The following MTDH variants were observed in gnomAD, a reference collection of about 807,000 sequenced individuals.
MTDH encodes protein LYRIC.
In MTDH, 34 loss-of-function variants were observed where a neutral mutation model predicts 72.7. The ratio of observed to expected loss-of-function variants is 0.47; its 90% CI spans 0.36 to 0.62. MTDH has a LOEUF of 0.62. Among genes scored for constraint, MTDH ranks in the 20% least tolerant of loss-of-function variants. MTDH has a pLI of 0.00. For missense variants in MTDH, 677 were observed against 699.4 expected, an observed-to-expected ratio of 0.97 and a Z score of 0.36; for synonymous variants, 266 against 268.9, an observed-to-expected ratio of 0.99 and a Z score of 0.10.
chr8:97,723,180 C>T (rs1424204761), intron 11 of MTDH, 145 bp downstream of exon 11: 12 of 687,186 alleles, frequency 1.7e-5, no homozygotes, highest in Admixed American at 3.2e-5. Flanking sequence ...GGGCAGATCA[C>T]GAGGTCAGGA....
Position 97,727,940 on chromosome 8 carries a change from A to G in MTDH, c.*3270A>G, listed in dbSNP as rs1333620470. ...CATGTTTACTTTATGCATGCATTTT[A>G]TTGGGGAGGGGAGGTCAGAATAATT... On this transcript the variant is annotated 3_prime_UTR_variant, in exon 12 of 12. Transcript: ENST00000336273. The G allele has an allele frequency of 1.3e-5, 2 of 152,160 alleles. No individual in the cohort carries two copies. The highest frequency in any genetic ancestry group is 4.8e-5 in the African/African-American group (2 of 41,452). 9.4% of individuals were successfully genotyped at this position (152,160 alleles called of 1,614,324 possible).
chr8:97,689,165 C>A, intron 5 of MTDH, 62 bp downstream of exon 5: 1 of 833,832 alleles, frequency 1.2e-6, no homozygotes. Flanking sequence ...TATATACATA[C>A]CTCTTTCCTC....
chr8:97,670,932 T>G (rs1427523459), intron 2 of MTDH, among the ~76,000 whole-genome samples: 1 of 146,010 alleles, frequency 6.8e-6, no homozygotes, highest in Non-Finnish European at 1.5e-5. Context: ...AATTTTTTTG[T>G]TTTTTTTGTT....
chr8:97,706,804 G>T (rs1045804040), intron 8 of MTDH, 54 bp downstream of exon 8: 18 of 1,561,170 alleles, frequency 1.2e-5, no homozygotes, highest in Non-Finnish European at 1.6e-5. Flanking sequence ...GACAGGCTGG[G>T]CACAGTGGCT....
chr8:97,713,752 G>A lies in MTDH; in HGVS notation c.1363G>A (p.Asp455Asn). Residue 455 changes from aspartate to asparagine, a missense_variant, in exon 9 of 12, where the codon GAT becomes AAT. Physicochemically the swap from Asp to Asn is conservative, Grantham distance 23 (BLOSUM62 1). Transcript: ENST00000336273. Reference sequence around the variant, plus strand: ...AAAGAAAAAGAAGAAGCAAGGTGAAGATAACTCTACTGCACAGGTAAAATG... The same window carrying A: ...AAAGAAAAAGAAGAAGCAAGGTGAAAATAACTCTACTGCACAGGTAAAATG... Reference protein sequence around the residue: ...KKKKKKKQGEDNSTAQDTEEL... With the variant: ...KKKKKKKQGENNSTAQDTEEL... 3 of 1,594,258 alleles carry A rather than the reference G, an allele frequency of 1.9e-6. No homozygotes were observed. The highest frequency in any genetic ancestry group is 2.6e-6 in the Non-Finnish European group (3 of 1,170,084).
At chr8:97,712,318 T>G (rs1016469915) in intron 8 of MTDH, among the ~76,000 whole-genome samples, 1 of 152,210 alleles carries the variant, frequency 6.6e-6, no homozygotes, top group African/African-American at 2.4e-5. Flanking sequence ...ATTGCAGGCT[T>G]CAGCCACTGC....
At chr8:97,708,264 C>CTTTTTTTTTT (rs71271145) in intron 8 of MTDH, among the ~76,000 whole-genome samples, 7 of 32,068 alleles carry the variant, frequency 2.2e-4, no homozygotes, top group African/African-American at 8.9e-4. Context: ...CATGCCAGGC[C>CTTTTTTTTTT]TTTTTTTTTT....
In MTDH at chr8:97,693,443, C is replaced by T. The variant is rs976091736; in HGVS notation, c.1048+2255C>T. Among the ~76,000 whole-genome samples, 4 of 152,292 alleles carry T rather than the reference C, an allele frequency of 2.6e-5. No homozygotes were observed. The East Asian group carries it at 5.8e-4, about 22-fold the overall frequency. Reference sequence around the variant, plus strand: ...CCACCTCTCAGGTTCAAGTGATTCTCCTGCCTCAGCCTCCTAAGTAGCTGG... The same window carrying T: ...CCACCTCTCAGGTTCAAGTGATTCTTCTGCCTCAGCCTCCTAAGTAGCTGG... On this transcript the variant is annotated intron_variant, in intron 6 of 11. Coordinates refer to ENST00000336273, the MANE Select transcript of MTDH (RefSeq NM_178812.4).
chr8:97,683,314 C>A (rs558189329), intron 2 of MTDH, among the ~76,000 whole-genome samples: 10 of 152,026 alleles, frequency 6.6e-5, no homozygotes, highest in Admixed American at 6.6e-4. Flanking sequence ...CTGCCCGCCT[C>A]AGCCTCCCAA....
At chr8:97,688,073 G>C (rs1263904945) in intron 4 of MTDH, among the ~76,000 whole-genome samples, 1 of 152,154 alleles carries the variant, frequency 6.6e-6, no homozygotes, top group East Asian at 1.9e-4. Context: ...ATAGATGTTT[G>C]ATAGAGCTAG....
rs1815298415 is a variant in MTDH at position 97,724,980 on chromosome 8, TCTCATC to T, written c.*311_*316del. The T allele has an allele frequency of 5.5e-6, 1 of 183,338 alleles. No homozygotes were observed. Among genetic ancestry groups the T allele is most frequent in the Non-Finnish European group, 1.1e-5 (1 of 87,926 alleles). The allele number at this position is 183,338 out of a possible 1,614,324, so 11.4% of individuals were successfully genotyped here. ...CCTGTTTACAACAGATTGTGCCCTA[TCTCATC>T]TGCAGCCGAGGAATAAAGGATTCTG... On this transcript the variant is annotated 3_prime_UTR_variant, in exon 12 of 12. Coordinates refer to ENST00000336273, the MANE Select transcript of MTDH (RefSeq NM_178812.4).
At position 97,650,419 on chromosome 8, in the gene MTDH, C is replaced by T. The variant is rs181821798; in HGVS notation, c.381+5532C>T. On this transcript the variant is annotated intron_variant, in intron 1 of 11. Coordinates refer to ENST00000336273, the MANE Select transcript of MTDH (RefSeq NM_178812.4). ...CCTCCTGAGTAGCTGGGACTACAGA[C>T]GCACACCACCATGCCCAGCTAATTT... Among the ~76,000 whole-genome samples the T allele has an allele frequency of 1.4e-3, 217 of 152,016 alleles. 3 individuals carry two copies. Among genetic ancestry groups the T allele is most frequent in the African/African-American group, 4.6e-3 (190 of 41,450 alleles).
chr8:97,655,549 C>A (rs16896060), intron 1 of MTDH, among the ~76,000 whole-genome samples: 1 of 152,174 alleles, frequency 6.6e-6, no homozygotes, highest in Non-Finnish European at 1.5e-5. Flanking sequence ...TGTCCAGGCC[C>A]TTTTGACCAC....
chr8:97,707,168 C>G (rs1439143079), intron 8 of MTDH, among the ~76,000 whole-genome samples: 8 of 106,724 alleles, frequency 7.5e-5, no homozygotes, highest in African/African-American at 2.8e-4. Context: ...TTTTTTTTTT[C>G]GGAGACAGAT....
At chr8:97,677,229 C>T (rs1006557139) in intron 2 of MTDH, among the ~76,000 whole-genome samples, 2 of 123,116 alleles carry the variant, frequency 1.6e-5, no homozygotes, top group East Asian at 2.9e-4. Flanking sequence ...CGCAGTGGCT[C>T]ATGCCTGTAA....
intron 9 of MTDH, among the ~76,000 whole-genome samples, chr8:97,716,023 G>A (rs116888747): frequency 0.023 from 3,446 of 151,628 alleles, 56 homozygotes; most frequent in Middle Eastern, 0.041. Flanking sequence ...TTACATAATT[G>A]CATAGGTTGT....
At chr8:97,686,571 TA>T in intron 2 of MTDH, 96 bp from the exon 3 acceptor site, 1 of 608,032 alleles carries the variant, frequency 1.6e-6, no homozygotes, top group Non-Finnish European at 2.5e-6. Flanking sequence ...AATTTTTTTT[TA>T]GTTGTCAGCA....
At chr8:97,671,466 A>T (rs1407840844) in intron 2 of MTDH, among the ~76,000 whole-genome samples, 1 of 152,182 alleles carries the variant, frequency 6.6e-6, no homozygotes, top group African/African-American at 2.4e-5. Flanking sequence ...TTTGAAAAAT[A>T]TATAGGTATC....
At chr8:97,697,150 A>ATATATATATATTTTTTT in intron 6 of MTDH, among the ~76,000 whole-genome samples, 7 of 68,788 alleles carry the variant, frequency 1.0e-4, no homozygotes, top group African/African-American at 5.5e-4. Flanking sequence ...ATATATATAT[A>ATATATATATATTTTTTT]TTTTTTTTTT....
Sources: gnomAD v4.1 joint callset for allele counts (sites outside exome capture counted in the v4.1 genomes callset) on GRCh38, gnomAD v4.1.1 for gene constraint, MANE v1.5 for transcripts, NCBI Gene and HGNC (gene_info 2026-07-23, HGNC 2026-07-21) for gene names.